C20orf203: variants seen among roughly 807,000 people sequenced by gnomAD.
C20orf203 encodes the protein uncharacterized protein C20orf203.
Under a neutral mutation model 15.9 loss-of-function variants are expected in C20orf203, and 16 were observed. That is an observed-to-expected ratio of 1.01 (90% CI 0.68 to 1.53). C20orf203 has a LOEUF of 1.53. C20orf203 is among the 40% of genes most tolerant of loss of function. The pLI, the probability that C20orf203 is intolerant of heterozygous loss-of-function variation, is 0.00. For missense variants in C20orf203, 263 were observed against 247.5 expected, an observed-to-expected ratio of 1.06 and a Z score of -0.42; for synonymous variants, 98 against 97.2, an observed-to-expected ratio of 1.01 and a Z score of -0.05.
intron 4 of C20orf203, among the ~76,000 whole-genome samples, chr20:32,642,670 G>A (rs1457246597): frequency 6.6e-6 from 1 of 152,150 alleles, no homozygotes; most frequent in African/African-American, 2.4e-5. Context: ...GGCTTGTAAG[G>A]GGGGCAGCTG....
intron 1 of C20orf203, among the ~76,000 whole-genome samples, chr20:32,666,265 A>C (rs1983022656): frequency 6.6e-6 from 1 of 151,764 alleles, no homozygotes; most frequent in Admixed American, 6.6e-5. Context: ...TCAGGAGTTC[A>C]AGACCACCCT....
chr20:32,661,454 G>A (rs1982889029), intron 1 of C20orf203, among the ~76,000 whole-genome samples: 1 of 152,190 alleles, frequency 6.6e-6, no homozygotes, highest in South Asian at 2.1e-4. Flanking sequence ...CTTTCTGAAG[G>A]ATGTGCTCCA....
chr20:32,664,721 A>G (rs1982978508), intron 1 of C20orf203, among the ~76,000 whole-genome samples: 3 of 152,126 alleles, frequency 2.0e-5, no homozygotes, highest in Non-Finnish European at 4.4e-5. Flanking sequence ...ACACGCTGCC[A>G]CCCACACCAT....
intron 1 of C20orf203, among the ~76,000 whole-genome samples, chr20:32,666,413 G>A (rs553595984): frequency 6.6e-6 from 1 of 151,388 alleles, no homozygotes; most frequent in African/African-American, 2.4e-5. Flanking sequence ...GCTGCAGTGA[G>A]CCAAGATCGT....
At chr20:32,660,761 C>T (rs772980456) in intron 1 of C20orf203, among the ~76,000 whole-genome samples, 2 of 152,128 alleles carry the variant, frequency 1.3e-5, no homozygotes, top group African/African-American at 2.4e-5. Flanking sequence ...GTTTAATTGA[C>T]TCACAGTACT....
rs1436550082 is a variant in C20orf203, at chr20:32,652,347, A to C, written c.-263-366T>G. 2.0e-5 allele frequency among the ~76,000 whole-genome samples: 3 copies of C among 150,686 alleles called. No homozygotes were observed. In the East Asian group the frequency reaches 5.8e-4, roughly 29 times the overall value. On this transcript the variant is annotated intron_variant, in intron 1 of 5. Transcript: ENST00000608990. ...CAAAAAAAAAAAAAAAAAAAAAAAAAAGCAAATACCCCTGGCATCAGAGGG... is the reference window on the plus strand; with the variant it reads ...CAAAAAAAAAAAAAAAAAAAAAAAACAGCAAATACCCCTGGCATCAGAGGG...
chr20:32,636,181 C>T (rs1982133631), intron 5 of C20orf203, among the ~76,000 whole-genome samples: 1 of 152,184 alleles, frequency 6.6e-6, no homozygotes, highest in African/African-American at 2.4e-5. Flanking sequence ...CTCTTTCTTC[C>T]CCAGGGGCTT....
chr20:32,639,481 A>G (rs1045052704), intron 5 of C20orf203, among the ~76,000 whole-genome samples: 10 of 152,186 alleles, frequency 6.6e-5, no homozygotes, highest in Non-Finnish European at 1.0e-4. Flanking sequence ...TATGGGGTTC[A>G]TAAGTGTCAT....
chr20:32,634,258 G>A lies in C20orf203; in HGVS notation c.*1312C>T. 1 of 398,590 alleles carries A rather than the reference G, an allele frequency of 2.5e-6. No individual in the cohort carries two copies. Among genetic ancestry groups the A allele is most frequent in the East Asian group, 3.6e-5 (1 of 28,074 alleles). 24.7% of individuals were successfully genotyped at this position (398,590 alleles called of 1,614,324 possible). ...GCTCTGGAAAAGCTTCCTGGAGAAG[G>A]TTATGCTGGAGTCTGGAAAGATAAG... On this transcript the variant is annotated 3_prime_UTR_variant, in exon 6 of 6. Coordinates refer to ENST00000608990, the MANE Select transcript of C20orf203 (RefSeq NM_182584.4).
intron 1 of C20orf203, among the ~76,000 whole-genome samples, chr20:32,672,572 C>CT (rs1481892974): frequency 9.5e-6 from 1 of 104,854 alleles, no homozygotes; most frequent in Non-Finnish European, 2.4e-5. Flanking sequence ...GACAATATCT[C>CT]CAAAAAAAAA....
chr20:32,646,220 T>C (rs1982428533), intron 4 of C20orf203, among the ~76,000 whole-genome samples: 1 of 151,464 alleles, frequency 6.6e-6, no homozygotes, highest in African/African-American at 2.4e-5. Flanking sequence ...CGCTCGATCT[T>C]TTTGTTGAGA....
At chr20:32,638,723 T>C (rs535586838) in intron 5 of C20orf203, among the ~76,000 whole-genome samples, 1 of 152,350 alleles carries the variant, frequency 6.6e-6, no homozygotes, top group South Asian at 2.1e-4. Flanking sequence ...TTGCTTCCTC[T>C]TCTCTCCTGA....
intron 4 of C20orf203, among the ~76,000 whole-genome samples, chr20:32,643,080 G>A (rs567324146): frequency 1.3e-5 from 2 of 152,268 alleles, no homozygotes; most frequent in East Asian, 1.9e-4. Flanking sequence ...GAGACCAGCC[G>A]CCGCATGAAG....
At chr20:32,653,022 C>A (rs1019009228) in intron 1 of C20orf203, among the ~76,000 whole-genome samples, 1 of 152,164 alleles carries the variant, frequency 6.6e-6, no homozygotes, top group Non-Finnish European at 1.5e-5. Flanking sequence ...GCCAGCAGCT[C>A]CTGGAAAATA....
At chr20:32,638,499 C>T (rs929119416) in intron 5 of C20orf203, among the ~76,000 whole-genome samples, 1 of 152,150 alleles carries the variant, frequency 6.6e-6, no homozygotes, top group Non-Finnish European at 1.5e-5. Context: ...AGGTGGTCTG[C>T]TGAGATTTAC....
At position 32,650,888 on chromosome 20, in the gene C20orf203, G is replaced by A; in HGVS notation, c.136-7C>T. On this transcript the variant is annotated splice_polypyrimidine_tract_variant and splice_region_variant and intron_variant, in intron 3 of 5. Coordinates refer to ENST00000608990, the MANE Select transcript of C20orf203 (RefSeq NM_182584.4). ...CAGCCAAGACTGATGTGGCCTGTTG[G>A]GAACAAGGCCCCCAAGAAGATCATA... 6.9e-7 allele frequency: 1 copy of A among 1,446,372 alleles called. No homozygotes were observed. Among genetic ancestry groups the A allele is most frequent in the Non-Finnish European group, 9.1e-7 (1 of 1,097,096 alleles). The allele number at this position is 1,446,372 out of a possible 1,614,324, so 89.6% of individuals were successfully genotyped here. A position where few individuals can be genotyped will look rare whatever the true frequency, so the allele number is the denominator to read the frequency against.
At chr20:32,651,261 A>G in intron 2 of C20orf203, 95 bp from the exon 3 acceptor site, 1 of 436,138 alleles carries the variant, frequency 2.3e-6, no homozygotes, top group Non-Finnish European at 4.0e-6. Flanking sequence ...AAGTGGGAGG[A>G]TCACTTCAGC....
intron 4 of C20orf203, among the ~76,000 whole-genome samples, chr20:32,643,672 C>T (rs995870467): frequency 7.1e-6 from 1 of 141,084 alleles, no homozygotes; most frequent in South Asian, 2.3e-4. Flanking sequence ...CACACACACA[C>T]ACGAAAGTTT....
chr20:32,660,602 G>C (rs1020159550), intron 1 of C20orf203, among the ~76,000 whole-genome samples: 3 of 152,122 alleles, frequency 2.0e-5, no homozygotes, highest in Admixed American at 2.0e-4. Context: ...GAAGGCTCAG[G>C]GAGGTCAAGT....
Sources: gnomAD v4.1 joint callset for allele counts (sites outside exome capture counted in the v4.1 genomes callset) on GRCh38, gnomAD v4.1.1 for gene constraint, MANE v1.5 for transcripts, NCBI Gene and HGNC (gene_info 2026-07-23, HGNC 2026-07-21) for gene names.